The following TMEM91 variants were observed in gnomAD, a reference collection of about 807,000 sequenced individuals.
TMEM91 encodes the protein dispanin subfamily C member 3.
In TMEM91, 6 loss-of-function variants were observed where a neutral mutation model predicts 13.3. The ratio of observed to expected loss-of-function variants is 0.45; its 90% CI spans 0.25 to 0.89. The LOEUF (loss-of-function observed/expected upper bound fraction) is 0.89, where lower values mean the gene tolerates loss of function less well. TMEM91 is among the 40% of genes least tolerant of loss of function. The pLI is 0.19. For missense variants in TMEM91, 193 were observed against 228.7 expected (o/e 0.84, Z 1.01); for synonymous variants, 87 against 101.7 (o/e 0.86, Z 0.87).
chr19:41,375,645 C>T (rs2123178114), upstream of TMEM91, among the ~76,000 whole-genome samples: 1 of 151,380 alleles, frequency 6.6e-6, no homozygotes, highest in South Asian at 2.1e-4. Flanking sequence ...AGCACTCCTC[C>T]GCAAAAAAAC....
At chr19:41,383,403 C>T (rs1184427586) in intron 3 of TMEM91, 42 of 918,206 alleles carry the variant, frequency 4.6e-5, no homozygotes, top group Non-Finnish European at 6.2e-5. Context: ...CCTCACTTTC[C>T]TCATCTGTAA....
At chr19:41,371,879 A>AC (rs1215414585), upstream of TMEM91, among the ~76,000 whole-genome samples, 1 of 150,422 alleles carries the variant, frequency 6.6e-6, no homozygotes, top group Non-Finnish European at 1.5e-5. Flanking sequence ...TTCCTTCCTG[A>AC]CCCCCCTTTT....
rs2038494430 is a variant in TMEM91 at position 41,365,103 on chromosome 19, C to G, written c.-30+1008C>G. Among the ~76,000 whole-genome samples, 7 of 150,586 alleles carry G rather than the reference C, an allele frequency of 4.6e-5. No homozygotes were observed. The South Asian group carries it at 1.5e-3, about 32-fold the overall frequency. ...ATGTTGCTATGTTGCCCAGTCTTGTCTTGACCTCCTGGGCTCTAGCTATCC... is the reference window on the plus strand; with the variant it reads ...ATGTTGCTATGTTGCCCAGTCTTGTGTTGACCTCCTGGGCTCTAGCTATCC... On this transcript the variant is annotated intron_variant, in intron 1 of 3. Transcript: ENST00000413014.
chr19:41,378,467 C>G lies in TMEM91; in HGVS notation c.158C>G (p.Pro53Arg). The stretch of plus-strand genomic sequence containing the variant: ...AGGGGTTTGCAGTTCCTGTCACCGC[C>G]TCTTCCCTCCGTGAGCGCTGGCCTG... ...SLRGLQFLSPPLPSVSAGLGE... is the reference protein window; with the variant it reads ...SLRGLQFLSPRLPSVSAGLGE... The change falls in exon 2 of 4, where the codon CCT becomes CGT. Residue 53 changes from proline to arginine, a missense_variant. By Grantham distance (103) the Pro-to-Arg change is moderately radical. Coordinates refer to ENST00000392002, the MANE Select transcript of TMEM91 (RefSeq NM_001098821.2). The G allele has an allele frequency of 1.9e-6, 3 of 1,614,092 alleles. No homozygotes were observed. The highest frequency in any genetic ancestry group is 2.5e-6 in the Non-Finnish European group (3 of 1,179,994).
At chr19:41,373,397 T>G (rs2038654982), upstream of TMEM91, among the ~76,000 whole-genome samples, 1 of 151,426 alleles carries the variant, frequency 6.6e-6, no homozygotes, top group South Asian at 2.1e-4. Context: ...GCTCAATGAT[T>G]TGGTGAAAAA....
In TMEM91 at chr19:41,383,352, C is replaced by A. The variant is rs938422589; in HGVS notation, c.361-363C>A. The A allele has an allele frequency of 9.2e-6, 5 of 543,692 alleles. No individual in the cohort carries two copies. The Admixed American group carries it at 1.2e-4, about 13-fold the overall frequency. The allele number at this position is 543,692 out of a possible 1,614,324, so 33.7% of individuals were successfully genotyped here. On this transcript the variant is annotated intron_variant, in intron 3 of 3. Coordinates refer to ENST00000392002, the MANE Select transcript of TMEM91 (RefSeq NM_001098821.2). ...TACAGGCGTGAGCCACGGTGCCCAG[C>A]TCTCTGCAAGATTTTGGGCAAGTCA... is the stretch of plus-strand genomic sequence containing the variant.
chr19:41,382,888 C>T lies in TMEM91; in HGVS notation c.327C>T (p.Pro109=), dbSNP rs746852197. Residue 109 remains proline (P), a synonymous_variant, in exon 3 of 4, where the codon CCC becomes CCT. Transcript: ENST00000392002. The part of the protein sequence containing the change: ...AVFSMLCCFW[P]VGIAAFCLAQ... ...TCTCCATGCTGTGTTGTTTCTGGCC[C>T]GTTGGCATCGCTGCCTTCTGTCTAG... The T allele has an allele frequency of 1.2e-5, 19 of 1,614,056 alleles. No homozygotes were observed. Among genetic ancestry groups the T allele is most frequent in the East Asian group, 4.5e-5 (2 of 44,896 alleles).
intron 1 of TMEM91, among the ~76,000 whole-genome samples, chr19:41,364,636 CAAGGAAGG>C (rs1018064684): frequency 6.6e-6 from 1 of 151,862 alleles, no homozygotes; most frequent in Non-Finnish European, 1.5e-5. Context: ...TTCTCAAGGA[CAAGGAAGG>C]AAGGAAGTTG....
intron 2 of TMEM91, among the ~76,000 whole-genome samples, chr19:41,381,076 CAAAAAAAAAAAAAAA>C (rs1166323642): frequency 1.9e-5 from 1 of 52,782 alleles, no homozygotes; most frequent in African/African-American, 6.8e-5. Context: ...GACTCTGTCT[CAAAAAAAAAAAAAAA>C]AAAAAAAAAA....
intron 1 of TMEM91, among the ~76,000 whole-genome samples, chr19:41,371,382 CTTCT>C (rs1568489530): frequency 1.0e-4 from 15 of 144,868 alleles, no homozygotes; most frequent in African/African-American, 3.9e-4. Context: ...TCCTTCCTTC[CTTCT>C]TTCCTTCCTC....
At chr19:41,373,225 C>T (rs1009080482), upstream of TMEM91, among the ~76,000 whole-genome samples, 8 of 152,108 alleles carry the variant, frequency 5.3e-5, no homozygotes, top group African/African-American at 4.8e-5. Context: ...CAGGCTTGAG[C>T]CACCGTACCC....
upstream of TMEM91, among the ~76,000 whole-genome samples, chr19:41,375,108 C>A (rs2038687211): frequency 1.3e-5 from 2 of 151,994 alleles, no homozygotes; most frequent in South Asian, 4.2e-4. Context: ...ACTCCTCAGC[C>A]TTCTTTCCCT....
chr19:41,371,567 A>G (rs146341806), upstream of TMEM91, among the ~76,000 whole-genome samples: 2 of 149,792 alleles, frequency 1.3e-5, no homozygotes, highest in Non-Finnish European at 3.0e-5. Context: ...CTACAGGCGC[A>G]CACCACCAAG....
intron 1 of TMEM91, among the ~76,000 whole-genome samples, chr19:41,377,788 A>C (rs1387364198): frequency 6.6e-6 from 1 of 151,712 alleles, no homozygotes; most frequent in African/African-American, 2.4e-5. Context: ...AGGCTGGTGG[A>C]TCCCCTAAGG....
At position 41,378,278 on chromosome 19, in the gene TMEM91, T is replaced by C; in HGVS notation, c.-29-3T>C. On this transcript the variant is annotated splice_polypyrimidine_tract_variant and splice_region_variant and intron_variant, in intron 1 of 3. Coordinates refer to ENST00000392002, the MANE Select transcript of TMEM91 (RefSeq NM_001098821.2). Reference sequence around the variant, plus strand: ...CTTGTCTTTTTCTTCCCCCTACCCCTAGGAAACCCCTCCTGGAGTTTCCCC... The same window carrying C: ...CTTGTCTTTTTCTTCCCCCTACCCCCAGGAAACCCCTCCTGGAGTTTCCCC... 1 of 1,597,936 alleles carries C rather than the reference T, an allele frequency of 6.3e-7. No homozygotes were observed. Among genetic ancestry groups the C allele is most frequent in the Non-Finnish European group, 8.6e-7 (1 of 1,168,396 alleles).
intron 2 of TMEM91, among the ~76,000 whole-genome samples, chr19:41,379,790 G>C (rs1407502704): frequency 6.6e-6 from 1 of 151,808 alleles, no homozygotes; most frequent in Non-Finnish European, 1.5e-5. Flanking sequence ...TTCTGCCTCT[G>C]GATCTTTCTT....
chr19:41,375,274 T>TA (rs2123176780), upstream of TMEM91, among the ~76,000 whole-genome samples: 1 of 47,470 alleles, frequency 2.1e-5, no homozygotes, highest in Non-Finnish European at 4.3e-5. Context: ...TTTTCTTTTC[T>TA]TTTTTTTTTT....
intron 1 of TMEM91, among the ~76,000 whole-genome samples, chr19:41,377,645 A>G (rs1336256386): frequency 6.6e-6 from 1 of 151,746 alleles, no homozygotes; most frequent in Admixed American, 6.6e-5. Context: ...TAAGTGTGTA[A>G]GGCATGGTGC....
Position 41,382,897 on chromosome 19 carries a change from C to T in TMEM91, c.336C>T (p.Ile112=), listed in dbSNP as rs915622150. The change falls in exon 3 of 4, where the codon ATC becomes ATT. Residue 112 remains isoleucine (I), a synonymous_variant. Coordinates refer to ENST00000392002, the MANE Select transcript of TMEM91 (RefSeq NM_001098821.2). ...SMLCCFWPVG[I]AAFCLAQKTN... Reference sequence around the variant, plus strand: ...TGTGTTGTTTCTGGCCCGTTGGCATCGCTGCCTTCTGTCTAGCCCAGAAGG... The same window carrying T: ...TGTGTTGTTTCTGGCCCGTTGGCATTGCTGCCTTCTGTCTAGCCCAGAAGG... 15 of 1,614,180 alleles carry T rather than the reference C, an allele frequency of 9.3e-6. No homozygotes were observed. The highest frequency in any genetic ancestry group is 3.3e-5 in the Admixed American group (2 of 60,022).
Sources: gnomAD v4.1 joint callset for allele counts (sites outside exome capture counted in the v4.1 genomes callset) on GRCh38, gnomAD v4.1.1 for gene constraint, MANE v1.5 for transcripts, NCBI Gene and HGNC (gene_info 2026-07-23, HGNC 2026-07-21) for gene names.